The following RORA variants were observed in gnomAD, a reference collection of about 807,000 sequenced individuals.
RORA encodes the protein nuclear receptor ROR-alpha.
In RORA, 7 loss-of-function variants were observed where a neutral mutation model predicts 69.5. The ratio of observed to expected loss-of-function variants is 0.10; its 90% CI spans 0.06 to 0.19. RORA has a LOEUF of 0.19. Ranked by LOEUF, RORA falls within the 10% of genes least tolerant of loss-of-function variation. The probability of loss-of-function intolerance (pLI) is 1.00; values close to 1 mark genes in which losing one functional copy is unlikely to be tolerated. For missense variants in RORA, 457 were observed against 663.0 expected (o/e 0.69, Z 3.41); for synonymous variants, 261 against 240.8 (o/e 1.08, Z -0.78).
intron 1 of RORA, among the ~76,000 whole-genome samples, chr15:61,069,020 A>C (rs759708528): frequency 6.6e-6 from 1 of 152,216 alleles, no homozygotes; most frequent in Admixed American, 6.5e-5. Flanking sequence ...CCACCTTTCT[A>C]GCAGTAATAC....
intron 2 of RORA, among the ~76,000 whole-genome samples, chr15:60,579,030 G>A (rs957916856): frequency 1.1e-4 from 17 of 149,250 alleles, no homozygotes; most frequent in Non-Finnish European, 2.2e-4. Context: ...GCCTCTCAAA[G>A]TGCTGGGATT....
intron 1 of RORA, among the ~76,000 whole-genome samples, chr15:61,084,879 G>A (rs2078599649): frequency 6.9e-6 from 1 of 144,694 alleles, no homozygotes; most frequent in South Asian, 2.2e-4. Context: ...ATGAGCTTTA[G>A]CAATCTGTTT....
chr15:60,803,428 G>A (rs2072615429), intron 1 of RORA, among the ~76,000 whole-genome samples: 1 of 152,220 alleles, frequency 6.6e-6, no homozygotes, highest in African/African-American at 2.4e-5. Flanking sequence ...GCCCAAGGAT[G>A]CAACCTATTA....
intron 2 of RORA, among the ~76,000 whole-genome samples, chr15:60,651,239 T>C (rs1476642947): frequency 2.6e-5 from 4 of 152,152 alleles, no homozygotes; most frequent in Non-Finnish European, 5.9e-5. Flanking sequence ...CGGTGAAATT[T>C]AAGTGACACC....
At chr15:61,040,528 T>G (rs1180825075) in intron 1 of RORA, among the ~76,000 whole-genome samples, 2 of 152,038 alleles carry the variant, frequency 1.3e-5, no homozygotes, top group Non-Finnish European at 2.9e-5. Flanking sequence ...TTTTTTTTTC[T>G]TTTTCTGATG....
chr15:61,185,630 GA>G (rs965104367), intron 1 of RORA, among the ~76,000 whole-genome samples: 1 of 152,174 alleles, frequency 6.6e-6, no homozygotes, highest in African/African-American at 2.4e-5. Context: ...ACATTCAAGT[GA>G]AAATCTCATG....
intron 1 of RORA, among the ~76,000 whole-genome samples, chr15:60,969,963 G>A (rs1216959558): frequency 6.6e-6 from 1 of 152,206 alleles, no homozygotes; most frequent in African/African-American, 2.4e-5. Context: ...GTTTTCGTAA[G>A]AGATACCAGA....
intron 1 of RORA, among the ~76,000 whole-genome samples, chr15:60,954,126 G>T (rs1357417931): frequency 2.3e-4 from 34 of 145,996 alleles, no homozygotes; most frequent in African/African-American, 8.4e-4. Context: ...AAAATGATGA[G>T]TTCATGTCCT....
intron 2 of RORA, among the ~76,000 whole-genome samples, chr15:60,587,097 A>G (rs543626954): frequency 6.6e-6 from 1 of 152,352 alleles, no homozygotes; most frequent in East Asian, 1.9e-4. Context: ...TAAGTGGAAC[A>G]TATAGATATA....
intron 1 of RORA, among the ~76,000 whole-genome samples, chr15:61,030,096 A>G (rs1896072309): frequency 1.3e-5 from 2 of 152,158 alleles, no homozygotes; most frequent in Non-Finnish European, 1.5e-5. Context: ...GAAGTAACTG[A>G]CCTAGAGTCA....
chr15:61,116,538 A>T (rs1044358163), intron 1 of RORA, among the ~76,000 whole-genome samples: 6 of 152,204 alleles, frequency 3.9e-5, no homozygotes, highest in African/African-American at 1.4e-4. Flanking sequence ...TCAACAAGGT[A>T]GTGAAATAAA....
At position 60,728,017 on chromosome 15, in the gene RORA, A is replaced by G. The variant is rs563131417; in HGVS notation, c.167-49331T>C. Among the ~76,000 whole-genome samples the G allele has an allele frequency of 2.6e-5, 4 of 152,346 alleles. No homozygotes were observed. The South Asian group carries it at 8.3e-4, about 32-fold the overall frequency. On this transcript the variant is annotated intron_variant, in intron 1 of 10. Transcript: ENST00000335670. The stretch of plus-strand genomic sequence containing the variant: ...CCCACTTTAACTCGGAGACTGGGAC[A>G]CCAAGGTTTGTGAAACACTGAGCCT...
intron 1 of RORA, among the ~76,000 whole-genome samples, chr15:61,063,277 T>A (rs777930160): frequency 2.6e-5 from 4 of 152,198 alleles, no homozygotes; most frequent in Non-Finnish European, 5.9e-5. Context: ...TTTTAGATTA[T>A]CTTATTTTAT....
chr15:60,648,108 C>A (rs912636657), intron 2 of RORA, among the ~76,000 whole-genome samples: 1 of 152,220 alleles, frequency 6.6e-6, no homozygotes, highest in African/African-American at 2.4e-5. Context: ...GGAGAGAACA[C>A]GCTTTAGAAA....
chr15:60,903,690 T>G (rs564204278), intron 1 of RORA, among the ~76,000 whole-genome samples: 4 of 152,280 alleles, frequency 2.6e-5, no homozygotes, highest in African/African-American at 9.6e-5. Flanking sequence ...CACACCTTAT[T>G]TGGAATAAAG....
At chr15:61,124,070 C>T (rs1183704831) in intron 1 of RORA, among the ~76,000 whole-genome samples, 1 of 152,208 alleles carries the variant, frequency 6.6e-6, no homozygotes, top group Non-Finnish European at 1.5e-5. Flanking sequence ...CCCGCCAGCA[C>T]CTAGCACAAT....
At chr15:60,929,938 A>T (rs955908889) in intron 1 of RORA, among the ~76,000 whole-genome samples, 2 of 151,982 alleles carry the variant, frequency 1.3e-5, no homozygotes, top group Non-Finnish European at 2.9e-5. Context: ...CACATTTTGG[A>T]TCAACACGTG....
intron 1 of RORA, among the ~76,000 whole-genome samples, chr15:60,758,297 G>A (rs2140869368): frequency 6.6e-6 from 1 of 152,294 alleles, no homozygotes; most frequent in East Asian, 1.9e-4. Context: ...GTATAAAAGG[G>A]AGGCTCACCT....
At chr15:60,629,654 T>A (rs1188430136) in intron 2 of RORA, among the ~76,000 whole-genome samples, 1 of 152,150 alleles carries the variant, frequency 6.6e-6, no homozygotes, top group Non-Finnish European at 1.5e-5. Context: ...TGCTGCCAGG[T>A]CATCAGACTG....
Sources: gnomAD v4.1 joint callset for allele counts (sites outside exome capture counted in the v4.1 genomes callset) on GRCh38, gnomAD v4.1.1 for gene constraint, MANE v1.5 for transcripts, NCBI Gene and HGNC (gene_info 2026-07-23, HGNC 2026-07-21) for gene names.